The following DYRK2 variants were observed in gnomAD, a reference collection of about 807,000 sequenced individuals.
DYRK2 encodes the protein dual specificity tyrosine phosphorylation regulated kinase 2, also known as dual specificity tyrosine-phosphorylation-regulated kinase 2.
A neutral mutation model predicts 41.6 loss-of-function variants in DYRK2; 12 were observed. That is an observed-to-expected ratio of 0.29 (90% CI 0.18 to 0.47). DYRK2 has a LOEUF of 0.47. Among genes scored for constraint, DYRK2 ranks in the 20% least tolerant of loss-of-function variants. DYRK2 has a pLI of 1.00. For missense variants in DYRK2, 678 were observed against 798.4 expected (o/e 0.85, Z 1.82); for synonymous variants, 322 against 315.7 (o/e 1.02, Z -0.21).
chr12:67,656,028 A>G (rs1375733819), intron 2 of DYRK2, among the ~76,000 whole-genome samples: 1 of 152,220 alleles, frequency 6.6e-6, no homozygotes, highest in Non-Finnish European at 1.5e-5. Context: ...TGTGATGACA[A>G]GGTGGTGTAA....
At chr12:67,656,448 C>A (rs1327599860) in intron 2 of DYRK2, among the ~76,000 whole-genome samples, 1 of 152,082 alleles carries the variant, frequency 6.6e-6, no homozygotes, top group Non-Finnish European at 1.5e-5. Flanking sequence ...GTTAGTAAAG[C>A]CTGGAAACTT....
rs1872565108 is a variant in DYRK2 at position 67,659,265 on chromosome 12, TCAAA to T, written c.*557_*560del. 1.2e-5 allele frequency: 2 copies of T among 167,156 alleles called. No homozygotes were observed. The highest frequency in any genetic ancestry group is 1.9e-4 in the East Asian group (1 of 5,188). The allele number at this position is 167,156 out of a possible 1,614,324, so 10.4% of individuals were successfully genotyped here. A position where few individuals can be genotyped will look rare whatever the true frequency, so the allele number is the denominator to read the frequency against. On this transcript the variant is annotated 3_prime_UTR_variant, in exon 3 of 3. Coordinates refer to ENST00000344096, the MANE Select transcript of DYRK2 (RefSeq NM_006482.3). The stretch of plus-strand genomic sequence containing the variant: ...TACCTTAGAGATTTTCCTCTAGTGC[TCAAA>T]CAAATACAAAATAAGATCCCCAAGG...
rs139843257 is a variant in DYRK2, at chr12:67,657,732, G to A, written c.825G>A (p.Lys275=). Residue 275 remains lysine (K), a synonymous_variant, in exon 3 of 3, where the codon AAG becomes AAA. Transcript: ENST00000344096. The surrounding 1 kb of genome is among the most constrained non-coding windows in gnomAD (Gnocchi z 4.8). The stretch of plus-strand genomic sequence containing the variant: ...TCCGAATCCTGGAACACCTGCGGAA[G>A]CAGGACAAGGATAACACAATGAATG... ...EEIRILEHLR[K]QDKDNTMNVI... 6.2e-7 allele frequency: 1 copy of A among 1,614,096 alleles called. No individual in the cohort carries two copies. The highest frequency in any genetic ancestry group is 1.3e-5 in the African/African-American group (1 of 74,940).
chr12:67,651,359 G>A (rs1872316707), intron 2 of DYRK2: 2 of 302,642 alleles, frequency 6.6e-6, no homozygotes, highest in Non-Finnish European at 6.4e-6. Context: ...CACATGACAT[G>A]GTGTGAGCTG....
In DYRK2 at chr12:67,658,028, AC is replaced by A; in HGVS notation, c.1122del (p.Tyr374Ter). 6.2e-7 allele frequency: 1 copy of A among 1,614,232 alleles called. No homozygotes were observed. Among genetic ancestry groups the A allele is most frequent in the Non-Finnish European group, 8.5e-7 (1 of 1,180,042 alleles). On this transcript the variant is annotated frameshift_variant, in exon 3 of 3. Coordinates refer to ENST00000344096, the MANE Select transcript of DYRK2 (RefSeq NM_006482.3). LOFTEE classifies it high-confidence loss of function. This position sits in a 1 kb window ranked among gnomAD's most constrained non-coding sequence, Gnocchi z 4.3. Reference sequence around the variant, plus strand: ...GTAATTGATTTTGGCTCCAGTTGTTACGAGCATCAGCGTGTCTACACGTACA... The same window carrying A: ...GTAATTGATTTTGGCTCCAGTTGTTAGAGCATCAGCGTGTCTACACGTACA... The part of the protein sequence containing the change: ...IKVIDFGSSC[Y>X]EHQRVYTYIQ...
Position 67,662,079 on chromosome 12 carries a change from A to G in DYRK2, c.*3366A>G, listed in dbSNP as rs1872637701. 1 of 166,522 alleles carries G rather than the reference A, an allele frequency of 6.0e-6. No individual in the cohort carries two copies. The highest frequency in any genetic ancestry group is 1.5e-5 in the Non-Finnish European group (1 of 68,084). 10.3% of individuals were successfully genotyped at this position (166,522 alleles called of 1,614,324 possible). A position where few individuals can be genotyped will look rare whatever the true frequency, so the allele number is the denominator to read the frequency against. On this transcript the variant is annotated 3_prime_UTR_variant, in exon 3 of 3. Coordinates refer to ENST00000344096, the MANE Select transcript of DYRK2 (RefSeq NM_006482.3). ...CTTTAGGCATCAGTAGCATTGGGCC[A>G]TATTGGAATCCTAAAGTGTGAATTA... is the stretch of plus-strand genomic sequence containing the variant.
intron 2 of DYRK2, chr12:67,652,426 T>A (rs181747648): frequency 1.3e-5 from 2 of 152,196 alleles, no homozygotes; most frequent in Admixed American, 1.3e-4. Context: ...TATAAAATAA[T>A]TCAAATTGAA....
rs1565801487 is a variant in DYRK2 at position 67,649,098 on chromosome 12, C to A, written c.-36C>A. 2 of 1,474,390 alleles carry A rather than the reference C, an allele frequency of 1.4e-6. No homozygotes were observed. The highest frequency in any genetic ancestry group is 9.0e-7 in the Non-Finnish European group (1 of 1,109,084). 91.3% of individuals were successfully genotyped at this position (1,474,390 alleles called of 1,614,324 possible). A position where few individuals can be genotyped will look rare whatever the true frequency, so the allele number is the denominator to read the frequency against. ...GTAGCAGCAGGACCGGCGGCGGCGA[C>A]GGCAGCCCTGAAATGCATTTTCCTC... On this transcript the variant is annotated 5_prime_UTR_variant, in exon 1 of 3. Coordinates refer to ENST00000344096, the MANE Select transcript of DYRK2 (RefSeq NM_006482.3).
rs970040300 is a variant in DYRK2 at position 67,663,437 on chromosome 12, ATTAC to A, written c.*4728_*4731del. On this transcript the variant is annotated 3_prime_UTR_variant, in exon 3 of 3. Transcript: ENST00000344096. ...CCCTTCTGTTACCAACAGCCAAGGA[ATTAC>A]TTAGTGTGGCTCCCTGCATCAATAC... 1.3e-5 allele frequency: 2 copies of A among 152,198 alleles called. No homozygotes were observed. Among genetic ancestry groups the A allele is most frequent in the African/African-American group, 4.8e-5 (2 of 41,556 alleles). 9.4% of individuals were successfully genotyped at this position (152,198 alleles called of 1,614,324 possible).
At position 67,658,200 on chromosome 12, in the gene DYRK2, G is replaced by T; in HGVS notation, c.1293G>T (p.Leu431=). The T allele has an allele frequency of 6.2e-7, 1 of 1,614,214 alleles. No homozygotes were observed. Among genetic ancestry groups the T allele is most frequent in the Non-Finnish European group, 8.5e-7 (1 of 1,180,052 alleles). ...CTGGGGAAGATGAAGGGGACCAGCT[G>T]GCCTGTATGATTGAACTGTTGGGCA... The part of the protein sequence containing the change: ...LLPGEDEGDQ[L]ACMIELLGMP... Residue 431 remains leucine, a synonymous_variant, in exon 3 of 3, where the codon CTG becomes CTT. Transcript: ENST00000344096. The surrounding 1 kb of genome is among the most constrained non-coding windows in gnomAD (Gnocchi z 4.3).
intron 1 of DYRK2, 98 bp downstream of exon 1, chr12:67,649,280 AAGTC>A: frequency 1.0e-6 from 1 of 964,648 alleles, no homozygotes; most frequent in Non-Finnish European, 1.3e-6. Context: ...ACCTCGAACA[AAGTC>A]GGCGGCGCGG....
intron 2 of DYRK2, among the ~76,000 whole-genome samples, chr12:67,651,123 T>A (rs1872310201): frequency 6.6e-6 from 1 of 152,206 alleles, no homozygotes; most frequent in Non-Finnish European, 1.5e-5. Context: ...TCCTGACACA[T>A]CTGGTCCCAG....
In DYRK2 at chr12:67,655,140, G is replaced by T. The variant is rs947608155; in HGVS notation, c.199-1966G>T. Among the ~76,000 whole-genome samples the T allele has an allele frequency of 2.0e-5, 3 of 152,182 alleles. No homozygotes were observed. The East Asian group carries it at 5.8e-4, about 29-fold the overall frequency. On this transcript the variant is annotated intron_variant, in intron 2 of 2. Coordinates refer to ENST00000344096, the MANE Select transcript of DYRK2 (RefSeq NM_006482.3). ...ATTATGCGAAACACAAAAATTGCTT[G>T]AAGTAAATTTCTGAGGCTTGGTTTT...
intron 2 of DYRK2, 45 bp downstream of exon 2, chr12:67,649,990 G>A: frequency 3.1e-6 from 4 of 1,297,878 alleles, no homozygotes; most frequent in Non-Finnish European, 2.9e-6. Context: ...GGGCGGGAGG[G>A]GCCCCAGGCC....
Position 67,657,020 on chromosome 12 carries a change from G to T in DYRK2, c.199-86G>T. ...TGGGATTTTGTAAATGTGAGGTTGG[G>T]GGCGGTGGTGTTGTTGGGGGTTACT... On this transcript the variant is annotated intron_variant, in intron 2 of 2. Transcript: ENST00000344096. This position sits in a 1 kb window ranked among gnomAD's most constrained non-coding sequence, Gnocchi z 4.8. 7.4e-7 allele frequency: 1 copy of T among 1,349,558 alleles called. No individual in the cohort carries two copies. Among genetic ancestry groups the T allele is most frequent in the Admixed American group, 2.9e-5 (1 of 34,632 alleles). 83.6% of individuals were successfully genotyped at this position (1,349,558 alleles called of 1,614,324 possible).
chr12:67,651,740 C>G (rs1376361383), intron 2 of DYRK2: 1 of 393,384 alleles, frequency 2.5e-6, no homozygotes, highest in Non-Finnish European at 5.0e-6. Context: ...GGAAAGGTTA[C>G]AAGGACCACA....
chr12:67,651,501 G>A, intron 2 of DYRK2: 1 of 445,542 alleles, frequency 2.2e-6, no homozygotes. Flanking sequence ...TGGAGGGAGA[G>A]CCTGTGGTGC....
chr12:67,649,802 G>A lies in DYRK2; in HGVS notation c.55G>A (p.Gly19Ser). ...AAPAAYPTGR[G>S]GDSAVRQLQA... The stretch of plus-strand genomic sequence containing the variant: ...CTCCCGCACGTGGCTTCCAGGCCGA[G>A]GTGGGGACAGCGCCGTTCGTCAGCT... The change falls in exon 2 of 3, where the codon GGT becomes AGT. Residue 19 changes from glycine (G) to serine (S), a missense_variant. Gly to Ser is a moderately conservative substitution (Grantham distance 56). This residue lies in a region of DYRK2 where 285 missense variants were observed against 279.2 expected (regional missense o/e 1.02). Coordinates refer to ENST00000344096, the MANE Select transcript of DYRK2 (RefSeq NM_006482.3). 3 of 1,318,012 alleles carry A rather than the reference G, an allele frequency of 2.3e-6. No individual in the cohort carries two copies. Among genetic ancestry groups the A allele is most frequent in the Non-Finnish European group, 2.9e-6 (3 of 1,026,760 alleles). The allele number at this position is 1,318,012 out of a possible 1,614,324, so 81.6% of individuals were successfully genotyped here.
rs953639726 is a variant in DYRK2, at chr12:67,659,972, G to A, written c.*1259G>A. On this transcript the variant is annotated 3_prime_UTR_variant, in exon 3 of 3. Transcript: ENST00000344096. ...CCTCTATTTTATTTTACTTTCTTTT[G>A]GATTGCACTGATTGTTTTTGTGGGA... 6.0e-6 allele frequency: 1 copy of A among 166,902 alleles called. No individual in the cohort carries two copies. The highest frequency in any genetic ancestry group is 6.5e-5 in the Admixed American group (1 of 15,272). 10.3% of individuals were successfully genotyped at this position (166,902 alleles called of 1,614,324 possible).
Sources: gnomAD v4.1 joint callset for allele counts (sites outside exome capture counted in the v4.1 genomes callset) on GRCh38, gnomAD v4.1.1 for gene constraint, gnomAD v4.1.1 regional missense constraint, Gnocchi (gnomAD v3.1) non-coding constraint, MANE v1.5 for transcripts, NCBI Gene and HGNC (gene_info 2026-07-23, HGNC 2026-07-21) for gene names.